Variants in UTRN observed in about 807,000 individuals in gnomAD.
UTRN encodes the protein utrophin.
UTRN carries 283 observed loss-of-function variants against 463.9 expected under a neutral mutation model. The observed-to-expected ratio is 0.61, with a 90% CI of 0.55 to 0.67. The LOEUF is 0.67. UTRN is among the 30% of genes least tolerant of loss of function. The pLI is 0.00. For synonymous variants in UTRN, 1,442 were observed against 1,431.5 expected, an observed-to-expected ratio of 1.01 and a Z score of -0.17; for missense variants, 3,922 against 4,084.3, an observed-to-expected ratio of 0.96 and a Z score of 1.08.
rs1787038833 is a variant in UTRN at position 144,440,481 on chromosome 6, C to T, written c.1512+10C>T. On this transcript the variant is annotated intron_variant, in intron 13 of 74. Transcript: ENST00000367545. ...AGAAGACCAGTTACAGGTAAGAGTGCTGTAAAGTTGGATAATCCTGAGGGA... is the reference window on the plus strand; with the variant it reads ...AGAAGACCAGTTACAGGTAAGAGTGTTGTAAAGTTGGATAATCCTGAGGGA... 6.2e-7 allele frequency: 1 copy of T among 1,613,898 alleles called. No homozygotes were observed. Among genetic ancestry groups the T allele is most frequent in the African/African-American group, 1.3e-5 (1 of 74,904 alleles).
At chr6:144,470,811 G>T (rs1185911737) in intron 23 of UTRN, among the ~76,000 whole-genome samples, 2 of 151,914 alleles carry the variant, frequency 1.3e-5, no homozygotes, top group African/African-American at 4.8e-5. Flanking sequence ...GATCACTCTC[G>T]GTCAGGAACT....
chr6:144,563,817 A>C (rs1479692019), intron 50 of UTRN, among the ~76,000 whole-genome samples: 1 of 152,074 alleles, frequency 6.6e-6, no homozygotes, highest in Non-Finnish European at 1.5e-5. Flanking sequence ...TCATTTTATT[A>C]CTTTTTTTAA....
intron 2 of UTRN, among the ~76,000 whole-genome samples, chr6:144,386,873 CA>C (rs1043952253): frequency 2.0e-5 from 3 of 151,304 alleles, no homozygotes; most frequent in Non-Finnish European, 4.4e-5. Context: ...CAAATAAAGA[CA>C]AAAAAACTCA....
chr6:144,685,283 T>C (rs887064261), intron 52 of UTRN, among the ~76,000 whole-genome samples: 1 of 152,232 alleles, frequency 6.6e-6, no homozygotes, highest in African/African-American at 2.4e-5. Context: ...CATGGATTGA[T>C]GGACACTTAA....
intron 2 of UTRN, among the ~76,000 whole-genome samples, chr6:144,311,338 G>C (rs1265825272): frequency 6.6e-6 from 1 of 152,192 alleles, no homozygotes; most frequent in Non-Finnish European, 1.5e-5. Context: ...AGCAGAGTTT[G>C]GGGGGTGGGA....
intron 51 of UTRN, 56 bp downstream of exon 51, chr6:144,577,344 C>A: frequency 1.3e-6 from 2 of 1,554,332 alleles, no homozygotes; most frequent in Non-Finnish European, 1.8e-6. Context: ...GCTTTTGATC[C>A]CTCTGCATGC....
chr6:144,330,909 T>C (rs1204446928), intron 2 of UTRN: 15 of 985,260 alleles, frequency 1.5e-5, no homozygotes, highest in African/African-American at 3.5e-5. Context: ...TCAGAAATCA[T>C]GCACTGTTGG....
In UTRN at chr6:144,748,408, A is replaced by T; in HGVS notation, c.8102A>T (p.Asp2701Val). 6.2e-7 allele frequency: 1 copy of T among 1,613,960 alleles called. No individual in the cohort carries two copies. The highest frequency in any genetic ancestry group is 8.5e-7 in the Non-Finnish European group (1 of 1,179,938). ...CTCAGAGACCTGCAGGGAGCTATGG[A>T]TGACCTGGACGCTGACATGAAGGAG... ...EKLRDLQGAM[D>V]DLDADMKEAE... The change falls in exon 55 of 75, where the codon GAT becomes GTT. Residue 2701 changes from aspartate (D) to valine (V), a missense_variant. This residue lies in a region of UTRN where 1,309 missense variants were observed against 1,452.6 expected (regional missense o/e 0.90). Transcript: ENST00000367545.
At chr6:144,745,216 T>G (rs1790580890) in intron 54 of UTRN, among the ~76,000 whole-genome samples, 1 of 152,190 alleles carries the variant, frequency 6.6e-6, no homozygotes, top group Non-Finnish European at 1.5e-5. Flanking sequence ...TCAAGTAACA[T>G]TTGTCCTTTG....
At chr6:144,476,903 G>A (rs1791268494) in intron 25 of UTRN, among the ~76,000 whole-genome samples, 1 of 152,112 alleles carries the variant, frequency 6.6e-6, no homozygotes, top group South Asian at 2.1e-4. Flanking sequence ...CAGAGAAATG[G>A]GTGGGTGCTG....
intron 60 of UTRN, among the ~76,000 whole-genome samples, chr6:144,780,104 A>C (rs982620202): frequency 5.9e-5 from 9 of 152,214 alleles, no homozygotes; most frequent in African/African-American, 2.2e-4. Context: ...CATGTCTTTA[A>C]AAATTCAAAA....
intron 54 of UTRN, among the ~76,000 whole-genome samples, chr6:144,734,244 C>T (rs967031626): frequency 5.9e-5 from 9 of 151,954 alleles, no homozygotes; most frequent in African/African-American, 1.7e-4. Context: ...GGAAACAAGC[C>T]GAAACTGTAG....
At chr6:144,728,314 T>C (rs1195238731) in intron 53 of UTRN, among the ~76,000 whole-genome samples, 1 of 152,156 alleles carries the variant, frequency 6.6e-6, no homozygotes, top group Non-Finnish European at 1.5e-5. Flanking sequence ...TTTATTCCTC[T>C]AGAGCTTCTT....
intron 2 of UTRN, among the ~76,000 whole-genome samples, chr6:144,374,370 G>A (rs941698591): frequency 2.6e-5 from 4 of 152,172 alleles, no homozygotes; most frequent in African/African-American, 7.2e-5. Flanking sequence ...TGCCCTGCAC[G>A]GTGGCTCACT....
chr6:144,441,468 C>T (rs544812900), intron 13 of UTRN, among the ~76,000 whole-genome samples: 5 of 152,242 alleles, frequency 3.3e-5, no homozygotes, highest in Non-Finnish European at 5.9e-5. Context: ...ATCCAGGTCA[C>T]GCCTATGCAA....
rs144920335 is a variant in UTRN, at chr6:144,400,673, T to C, written c.80-2450T>C. Among the ~76,000 whole-genome samples the C allele has an allele frequency of 3.3e-3, 498 of 152,262 alleles. 1 individual carries two copies. The highest frequency in any genetic ancestry group is 0.01 in the African/African-American group (427 of 41,572). Reference sequence around the variant, plus strand: ...GCAAACTAGTCTTTGAAATATGTACTCCCTTTTCCCCATTTTTAACTGTAT... The same window carrying C: ...GCAAACTAGTCTTTGAAATATGTACCCCCTTTTCCCCATTTTTAACTGTAT... On this transcript the variant is annotated intron_variant, in intron 2 of 74. Coordinates refer to ENST00000367545, the MANE Select transcript of UTRN (RefSeq NM_007124.3).
chr6:144,544,018 A>G (rs967757032), intron 46 of UTRN, among the ~76,000 whole-genome samples: 4 of 152,186 alleles, frequency 2.6e-5, no homozygotes, highest in Admixed American at 2.6e-4. Flanking sequence ...AATTTGATGC[A>G]TTTTATAAAA....
At chr6:144,415,568 A>G (rs751753022) in intron 3 of UTRN, among the ~76,000 whole-genome samples, 3 of 152,190 alleles carry the variant, frequency 2.0e-5, no homozygotes, top group African/African-American at 4.8e-5. Context: ...AGAAATATTA[A>G]TAATTGTGCT....
intron 2 of UTRN, among the ~76,000 whole-genome samples, chr6:144,351,645 A>G (rs959552954): frequency 1.4e-4 from 22 of 152,220 alleles, no homozygotes; most frequent in Non-Finnish European, 2.1e-4. Flanking sequence ...CGCCTCCCCT[A>G]TGATTCTGTG....
Sources: gnomAD v4.1 joint callset for allele counts (sites outside exome capture counted in the v4.1 genomes callset) on GRCh38, gnomAD v4.1.1 for gene constraint, gnomAD v4.1.1 regional missense constraint, MANE v1.5 for transcripts, NCBI Gene and HGNC (gene_info 2026-07-23, HGNC 2026-07-21) for gene names.